The following UTP14A variants were observed in gnomAD, a reference collection of about 807,000 sequenced individuals.
UTP14A encodes U3 small nucleolar RNA-associated protein 14 homolog A.
A neutral mutation model predicts 57.2 loss-of-function variants in UTP14A; 5 were observed. That is an observed-to-expected ratio of 0.09 (90% CI 0.05 to 0.18). The LOEUF is 0.18. Ranked by LOEUF, UTP14A falls within the 10% of genes least tolerant of loss-of-function variation. The probability of loss-of-function intolerance (pLI) is 1.00; values close to 1 mark genes in which losing one functional copy is unlikely to be tolerated. For missense variants in UTP14A, 430 were observed against 562.1 expected (o/e 0.76, Z 2.38); for synonymous variants, 169 against 210.9 (o/e 0.80, Z 1.72).
chrX:129,924,283 C>CTT (rs556719731), intron 11 of UTP14A, among the ~76,000 whole-genome samples: 1,006 of 82,521 alleles, frequency 0.012, 58 homozygotes, highest in African/African-American at 0.048. Flanking sequence ...TCACATGCTA[C>CTT]TTTTTTTTTT....
intron 6 of UTP14A, chrX:129,913,303 T>C (rs1299461809): frequency 3.0e-6 from 1 of 329,769 alleles, no homozygotes; most frequent in African/African-American, 2.7e-5. Flanking sequence ...TACCATTCTC[T>C]TTCTAGGAGG....
chrX:129,929,388 T>C lies in UTP14A; in HGVS notation c.2096T>C (p.Ile699Thr). Residue 699 changes from isoleucine to threonine, a missense_variant, in exon 15 of 15, where the codon ATC becomes ACC. Around this residue, in one of 4 missense-constraint regions of UTP14A, gnomAD observed 82 missense variants for 151.4 expected, o/e 0.54. Transcript: ENST00000394422. Reference sequence around the variant, plus strand: ...CACCATTGGCAATTTGAAAGGACCATCCAGACCCCCATAGGATCCACATGG... The same window carrying C: ...CACCATTGGCAATTTGAAAGGACCACCCAGACCCCCATAGGATCCACATGG... ...FTHHWQFERT[I>T]QTPIGSTWNT... 1 of 1,211,354 alleles carries C rather than the reference T, an allele frequency of 8.3e-7. No homozygotes were observed. Among genetic ancestry groups the C allele is most frequent in the Non-Finnish European group, 1.1e-6 (1 of 895,411 alleles).
chrX:129,907,989 A>G (rs765241464), intron 2 of UTP14A, 71 bp from the exon 3 acceptor site: 11 of 883,233 alleles, frequency 1.2e-5, no homozygotes, highest in East Asian at 9.4e-5. Flanking sequence ...GAGATTTTAC[A>G]TGAGACTCAA....
At chrX:129,912,352 C>G (rs1929511769) in intron 6 of UTP14A, among the ~76,000 whole-genome samples, 1 of 108,875 alleles carries the variant, frequency 9.2e-6, no homozygotes, top group South Asian at 3.9e-4. Context: ...AACTCCTGAC[C>G]TCAAATGATC....
intron 14 of UTP14A, among the ~76,000 whole-genome samples, chrX:129,927,834 T>C (rs964030148): frequency 9.0e-6 from 1 of 111,532 alleles, no homozygotes; most frequent in African/African-American, 3.3e-5. Flanking sequence ...ACATCCCCAT[T>C]TTCTGCTTAC....
chrX:129,920,765 TG>T lies in UTP14A; in HGVS notation c.954+17del. ...ATATGACCTGGAGGTAAGAGACCCT[TG>T]GGGTGAGAGAAGATCTGGAATTGGA... is the stretch of plus-strand genomic sequence containing the variant. On this transcript the variant is annotated intron_variant, in intron 10 of 14. Coordinates refer to ENST00000394422, the MANE Select transcript of UTP14A (RefSeq NM_006649.4). 1 of 1,211,246 alleles carries T rather than the reference TG, an allele frequency of 8.3e-7. No individual in the cohort carries two copies. The highest frequency in any genetic ancestry group is 1.1e-6 in the Non-Finnish European group (1 of 895,427).
At chrX:129,910,726 G>T (rs1332785247) in intron 4 of UTP14A, among the ~76,000 whole-genome samples, 4 of 112,157 alleles carry the variant, frequency 3.6e-5, no homozygotes, top group Non-Finnish European at 7.5e-5. Context: ...GTTATGTGAA[G>T]AATGAATTGC....
At chrX:129,919,784 CTT>C (rs1474463023) in intron 8 of UTP14A, among the ~76,000 whole-genome samples, 1 of 112,043 alleles carries the variant, frequency 8.9e-6, no homozygotes, top group Non-Finnish European at 1.9e-5. Context: ...CTTTTTGCCT[CTT>C]TGAAACTTGT....
chrX:129,908,658 G>C lies in UTP14A; in HGVS notation c.174-12G>C. 2 of 1,207,837 alleles carry C rather than the reference G, an allele frequency of 1.7e-6. No homozygotes were observed. The highest frequency in any genetic ancestry group is 5.9e-5 in the East Asian group (2 of 33,800). Reference sequence around the variant, plus strand: ...TTATTCATTCCTATTATATCGTTTTGCCTAATTTCAGGCGGAAATTGGCTG... The same window carrying C: ...TTATTCATTCCTATTATATCGTTTTCCCTAATTTCAGGCGGAAATTGGCTG... On this transcript the variant is annotated splice_polypyrimidine_tract_variant and intron_variant, in intron 3 of 14. Transcript: ENST00000394422.
At chrX:129,919,116 AAG>A (rs1183353582) in intron 6 of UTP14A, 57 bp from the exon 7 acceptor site, 5 of 1,205,381 alleles carry the variant, frequency 4.1e-6, no homozygotes, top group Admixed American at 4.4e-5. Context: ...TAGGAATGTA[AAG>A]AGAGAAAGCT....
At chrX:129,911,198 C>A in intron 5 of UTP14A, 48 bp downstream of exon 5, 1 of 1,158,159 alleles carries the variant, frequency 8.6e-7, no homozygotes, top group Non-Finnish European at 1.2e-6. Context: ...ATTGAATTGA[C>A]AAGGGAAAAT....
chrX:129,921,931 G>A, intron 11 of UTP14A: 2 of 167,264 alleles, frequency 1.2e-5, no homozygotes, highest in Non-Finnish European at 2.2e-5. Context: ...AAGTACGTAT[G>A]GTAGAATGGC....
Position 129,911,760 on chromosome X carries a change from C to G in UTP14A, c.382-6C>G. ...TCTTTCCGTTTACATGCCTTGCCTG[C>G]TTCAGATCCACAGAGAAGTAGCATT... On this transcript the variant is annotated splice_polypyrimidine_tract_variant and splice_region_variant and intron_variant, in intron 5 of 14. Coordinates refer to ENST00000394422, the MANE Select transcript of UTP14A (RefSeq NM_006649.4). 2.5e-6 allele frequency: 3 copies of G among 1,209,740 alleles called. No homozygotes were observed. Among genetic ancestry groups the G allele is most frequent in the Non-Finnish European group, 3.4e-6 (3 of 894,395 alleles).
At chrX:129,919,706 A>G (rs1354739782) in intron 8 of UTP14A, among the ~76,000 whole-genome samples, 1 of 112,287 alleles carries the variant, frequency 8.9e-6, no homozygotes, top group Admixed American at 9.4e-5. Flanking sequence ...CCAAGGCATC[A>G]CAGAGTGGTT....
At chrX:129,928,655 G>A (rs1306426438) in intron 14 of UTP14A, among the ~76,000 whole-genome samples, 1 of 110,696 alleles carries the variant, frequency 9.0e-6, no homozygotes, top group Non-Finnish European at 1.9e-5. Context: ...TCGGGAGGCT[G>A]AGGCAGGAGA....
chrX:129,914,949 C>T (rs1470291896), intron 6 of UTP14A, among the ~76,000 whole-genome samples: 4 of 112,796 alleles, frequency 3.5e-5, no homozygotes, highest in Non-Finnish European at 7.5e-5. Flanking sequence ...TGGTGGCTCA[C>T]GCCTGTAATC....
At chrX:129,917,540 A>C (rs1929735979) in intron 6 of UTP14A, among the ~76,000 whole-genome samples, 1 of 111,793 alleles carries the variant, frequency 8.9e-6, no homozygotes, top group Non-Finnish European at 1.9e-5. Context: ...AGCATGTGGA[A>C]TAACTGGTTT....
Position 129,921,290 on chromosome X carries a change from G to A in UTP14A, c.1051G>A (p.Glu351Lys). 2 of 1,211,616 alleles carry A rather than the reference G, an allele frequency of 1.7e-6. No individual in the cohort carries two copies. The highest frequency in any genetic ancestry group is 2.2e-6 in the Non-Finnish European group (2 of 895,543). ...GAGTGAGGAAGAGGAGGGAGGCACA[G>A]AAGATGTGGAAGAACTCCTTGTCCC... is the stretch of plus-strand genomic sequence containing the variant. ...SESEEEEGGT[E>K]DVEELLVPDV... is the part of the protein sequence containing the mutation. The change falls in exon 11 of 15, where the codon GAA becomes AAA. Residue 351 changes from glutamate (E) to lysine (K), a missense_variant. Glu to Lys is a moderately conservative substitution (Grantham distance 56). This residue lies in a region of UTP14A where 83 missense variants were observed against 140.4 expected (regional missense o/e 0.59). Coordinates refer to ENST00000394422, the MANE Select transcript of UTP14A (RefSeq NM_006649.4).
At chrX:129,913,930 G>A (rs1358428278) in intron 6 of UTP14A, among the ~76,000 whole-genome samples, 2 of 111,520 alleles carry the variant, frequency 1.8e-5, no homozygotes, top group East Asian at 2.8e-4. Flanking sequence ...GCAGTGAGCC[G>A]AGATTGTGCC....
Sources: gnomAD v4.1 joint callset for allele counts (sites outside exome capture counted in the v4.1 genomes callset) on GRCh38, gnomAD v4.1.1 for gene constraint, gnomAD v4.1.1 regional missense constraint, MANE v1.5 for transcripts, NCBI Gene and HGNC (gene_info 2026-07-23, HGNC 2026-07-21) for gene names.